NME7: variants seen among roughly 807,000 people sequenced by gnomAD.
NME7 encodes nucleoside diphosphate kinase 7.
NME7 carries 41 observed loss-of-function variants against 49.1 expected under a neutral mutation model. That is an observed-to-expected ratio of 0.83 (90% CI 0.65 to 1.08). The LOEUF (loss-of-function observed/expected upper bound fraction) is 1.08. Ranked by LOEUF, NME7 falls within the 50% of genes least tolerant of loss-of-function variation. NME7 has a pLI of 0.00. For missense variants in NME7, 423 were observed against 463.4 expected (o/e 0.91, Z 0.80); for synonymous variants, 139 against 150.6 (o/e 0.92, Z 0.56).
intron 10 of NME7, among the ~76,000 whole-genome samples, chr1:169,173,566 ATAAAT>A (rs1194362076): frequency 6.6e-6 from 1 of 152,182 alleles, no homozygotes; most frequent in African/African-American, 2.4e-5. Flanking sequence ...AAAGGTATTG[ATAAAT>A]TAATTTTAGT....
In NME7 at chr1:169,330,443, G is replaced by T. The variant is rs181466654; in HGVS notation, c.4-5943C>A. On this transcript the variant is annotated intron_variant, in intron 1 of 11. Transcript: ENST00000367811. Reference sequence around the variant, plus strand: ...ACCTGTAATCCCAGCACTTTGGGAGGTTGAGGCAAAAGGATCACGAGGTCA... The same window carrying T: ...ACCTGTAATCCCAGCACTTTGGGAGTTTGAGGCAAAAGGATCACGAGGTCA... Among the ~76,000 whole-genome samples the T allele has an allele frequency of 5.3e-5, 8 of 152,266 alleles. No individual in the cohort carries two copies. The East Asian group carries it at 1.4e-3, about 26-fold the overall frequency.
chr1:169,323,837 T>C (rs901853729), intron 2 of NME7, among the ~76,000 whole-genome samples: 6 of 25,220 alleles, frequency 2.4e-4, no homozygotes, highest in Non-Finnish European at 5.1e-4. Context: ...ATTTCAGTCT[T>C]TTTTTTTTTT....
intron 3 of NME7, among the ~76,000 whole-genome samples, chr1:169,318,973 T>G (rs1343247923): frequency 6.6e-6 from 1 of 151,968 alleles, no homozygotes; most frequent in South Asian, 2.1e-4. Flanking sequence ...TTTATTCCAG[T>G]TGGGATGGAA....
At chr1:169,162,855 T>A (rs1428989388) in intron 11 of NME7, among the ~76,000 whole-genome samples, 2 of 152,008 alleles carry the variant, frequency 1.3e-5, no homozygotes, top group Non-Finnish European at 2.9e-5. Context: ...ATAATAATAA[T>A]AAAAGTACCT....
At chr1:169,238,645 G>A (rs916642601) in intron 7 of NME7, among the ~76,000 whole-genome samples, 2 of 151,900 alleles carry the variant, frequency 1.3e-5, no homozygotes, top group Non-Finnish European at 2.9e-5. Flanking sequence ...AGCAGGCTGA[G>A]GGGTGAGAAA....
intron 7 of NME7, among the ~76,000 whole-genome samples, chr1:169,245,765 C>A (rs1024340): frequency 0.07 from 10,602 of 151,808 alleles, 1,458 homozygotes; most frequent in East Asian, 0.66. Flanking sequence ...AAAGACAAAT[C>A]AAAAAACTAG....
intron 1 of NME7, among the ~76,000 whole-genome samples, chr1:169,344,097 G>A (rs1034627466): frequency 6.6e-6 from 1 of 152,094 alleles, no homozygotes; most frequent in African/African-American, 2.4e-5. Flanking sequence ...GCAATGTTTT[G>A]TAGTTTTCAG....
intron 8 of NME7, among the ~76,000 whole-genome samples, chr1:169,236,156 T>C (rs138676700): frequency 6.6e-6 from 1 of 152,264 alleles, no homozygotes; most frequent in East Asian, 1.9e-4. Flanking sequence ...TATGTTTTGC[T>C]AAATGCAACA....
intron 10 of NME7, among the ~76,000 whole-genome samples, chr1:169,172,396 G>A (rs888210236): frequency 6.6e-6 from 1 of 150,452 alleles, no homozygotes; most frequent in Non-Finnish European, 1.5e-5. Context: ...CAGCATCACT[G>A]GAGATTTACT....
At chr1:169,140,410 T>TG (rs1658556423) in intron 11 of NME7, among the ~76,000 whole-genome samples, 1 of 152,152 alleles carries the variant, frequency 6.6e-6, no homozygotes, top group Non-Finnish European at 1.5e-5. Flanking sequence ...ATCTAAAAAT[T>TG]GAAGATAATA....
At chr1:169,169,017 T>C in intron 11 of NME7, 1 of 428,354 alleles carries the variant, frequency 2.3e-6, no homozygotes, top group Non-Finnish European at 4.5e-6. Flanking sequence ...TCACCTGATA[T>C]AAAAACAAAT....
At chr1:169,344,067 T>C (rs1265850597) in intron 1 of NME7, among the ~76,000 whole-genome samples, 2 of 152,202 alleles carry the variant, frequency 1.3e-5, no homozygotes, top group Admixed American at 1.3e-4. Flanking sequence ...TCCATTTATT[T>C]AGGTCTTTAA....
intron 3 of NME7, among the ~76,000 whole-genome samples, chr1:169,315,267 T>C (rs1651572043): frequency 6.8e-6 from 1 of 146,108 alleles, no homozygotes; most frequent in Admixed American, 7.2e-5. Flanking sequence ...TTTCTTTTTT[T>C]TTTTTCTTTT....
intron 7 of NME7, among the ~76,000 whole-genome samples, chr1:169,252,005 A>G (rs565123256): frequency 1.5e-4 from 23 of 149,418 alleles, no homozygotes; most frequent in African/African-American, 4.9e-4. Context: ...ATGGTGAATA[A>G]TGCCGCAATA....
intron 3 of NME7, 47 bp from the exon 4 acceptor site, chr1:169,310,127 G>A: frequency 8.7e-7 from 1 of 1,151,222 alleles, no homozygotes; most frequent in East Asian, 2.4e-5. Flanking sequence ...TAGTTCAACA[G>A]TTTTTATTTA....
chr1:169,348,366 A>C lies in NME7; in HGVS notation c.3+19342T>G, dbSNP rs78534828. On this transcript the variant is annotated intron_variant, in intron 1 of 11. Transcript: ENST00000367811. ...AAGTAACAGATTCCAAAAAAAAGCA[A>C]AAAAAAAAAAAAACCCACATTTTCA... is the stretch of plus-strand genomic sequence containing the variant. 6.9e-4 allele frequency among the ~76,000 whole-genome samples: 14 copies of C among 20,242 alleles called. No individual in the cohort carries two copies. In the East Asian group the frequency reaches 0.25, roughly 361 times the overall value. The allele number at this position is 20,242 out of a possible 152,430, so 13.3% of individuals were successfully genotyped here. A position where few individuals can be genotyped will look rare whatever the true frequency, so the allele number is the denominator to read the frequency against.
At position 169,282,477 on chromosome 1, in the gene NME7, A is replaced by G. The variant is rs997932709; in HGVS notation, c.754+4826T>C. Among the ~76,000 whole-genome samples, 2 of 151,384 alleles carry G rather than the reference A, an allele frequency of 1.3e-5. 1 individual carries two copies. Among genetic ancestry groups the G allele is most frequent in the African/African-American group, 4.9e-5 (2 of 41,210 alleles). ...GTTCTGCTCTGATGTTAGTTATTTC[A>G]TGTCTTCTGCTAGCTTTTGAATTTG... is the stretch of plus-strand genomic sequence containing the variant. On this transcript the variant is annotated intron_variant, in intron 7 of 11. Transcript: ENST00000367811.
chr1:169,276,987 G>T lies in NME7; in HGVS notation c.754+10316C>A, dbSNP rs910203476. ...GAGCAGACTGTTCAGTTTCCATGTA[G>T]TTGAGTGGTTTTGAGTGAGTTTCTT... is the stretch of plus-strand genomic sequence containing the variant. On this transcript the variant is annotated intron_variant, in intron 7 of 11. Transcript: ENST00000367811. Among the ~76,000 whole-genome samples, 10 of 150,502 alleles carry T rather than the reference G, an allele frequency of 6.6e-5. 1 individual carries two copies. The highest frequency in any genetic ancestry group is 2.4e-4 in the African/African-American group (10 of 41,084).
chr1:169,161,746 G>T (rs1430084389), intron 11 of NME7, among the ~76,000 whole-genome samples: 1 of 152,098 alleles, frequency 6.6e-6, no homozygotes, highest in Non-Finnish European at 1.5e-5. Flanking sequence ...CCCCTTCCTG[G>T]CTAGGGAACT....
Sources: allele counts gnomAD v4.1 joint callset (sites outside exome capture counted in the v4.1 genomes callset), GRCh38; gene constraint gnomAD v4.1.1; transcripts MANE v1.5; gene names NCBI Gene and HGNC (gene_info 2026-07-23, HGNC 2026-07-21).